The following DYNC2H1 variants were observed in gnomAD, a reference collection of about 807,000 sequenced individuals.
The protein encoded by DYNC2H1 is dynein cytoplasmic 2 heavy chain 1.
A neutral mutation model predicts 570.0 loss-of-function variants in DYNC2H1; 410 were observed. The observed-to-expected ratio is 0.72, with a 90% CI of 0.66 to 0.78. DYNC2H1 has a LOEUF of 0.78. DYNC2H1 is among the 30% of genes least tolerant of loss of function. The probability of loss-of-function intolerance (pLI) is 0.00; values close to 1 mark genes in which losing one functional copy is unlikely to be tolerated. For missense variants in DYNC2H1, 4,865 were observed against 5,046.4 expected (o/e 0.96, Z 1.09); for synonymous variants, 1,688 against 1,677.6 (o/e 1.01, Z -0.15).
intron 82 of DYNC2H1, among the ~76,000 whole-genome samples, chr11:103,344,841 G>A (rs1939655486): frequency 6.6e-6 from 1 of 152,032 alleles, no homozygotes; most frequent in Non-Finnish European, 1.5e-5. Flanking sequence ...CAAGTGTGAG[G>A]ATATAATGAA....
At chr11:103,195,549 T>C (rs1483134101) in intron 47 of DYNC2H1, among the ~76,000 whole-genome samples, 1 of 152,210 alleles carries the variant, frequency 6.6e-6, no homozygotes, top group Non-Finnish European at 1.5e-5. Flanking sequence ...AGCTACTATA[T>C]GAGTTGTGAA....
intron 65 of DYNC2H1, among the ~76,000 whole-genome samples, chr11:103,246,924 C>T (rs113099076): frequency 2.0e-5 from 3 of 151,822 alleles, no homozygotes; most frequent in Non-Finnish European, 2.9e-5. Flanking sequence ...AATTTATGCT[C>T]GTCAAAAATC....
Position 103,311,859 on chromosome 11 carries a change from CTGTT to C in DYNC2H1, c.11494-18_11494-15del. 1 of 1,592,900 alleles carries C rather than the reference CTGTT, an allele frequency of 6.3e-7. No homozygotes were observed. The highest frequency in any genetic ancestry group is 2.3e-5 in the East Asian group (1 of 44,024). ...TTGTAGGATTTTAGCAATAGGATGT[CTGTT>C]GATTTTTTTTCTAGTCACCTCCAGG... On this transcript the variant is annotated splice_polypyrimidine_tract_variant and intron_variant, in intron 78 of 88. Coordinates refer to ENST00000375735, the MANE Select transcript of DYNC2H1 (RefSeq NM_001377.3).
In DYNC2H1 at chr11:103,455,180, C is replaced by CT. The variant is rs758771214; in HGVS notation, c.12457-5dup. On this transcript the variant is annotated splice_polypyrimidine_tract_variant and splice_region_variant and intron_variant, in intron 85 of 88. Coordinates refer to ENST00000375735, the MANE Select transcript of DYNC2H1 (RefSeq NM_001377.3). Reference sequence around the variant, plus strand: ...TATTTATATGTTCATATTTCCCCCCCTCTAGAACTGGGTAGATAAAGCTGA... The same window carrying CT: ...TATTTATATGTTCATATTTCCCCCCCTTCTAGAACTGGGTAGATAAAGCTGA... 13 of 1,609,244 alleles carry CT rather than the reference C, an allele frequency of 8.1e-6. No homozygotes were observed. In the South Asian group the frequency reaches 1.4e-4, roughly 18 times the overall value.
intron 83 of DYNC2H1, among the ~76,000 whole-genome samples, chr11:103,397,271 C>G (rs1211352887): frequency 6.6e-6 from 1 of 151,982 alleles, no homozygotes; most frequent in African/African-American, 2.4e-5. Flanking sequence ...CAAAAGCAAT[C>G]CTTCAAAAAT....
chr11:103,389,611 C>T (rs1375022588), intron 83 of DYNC2H1, among the ~76,000 whole-genome samples: 5 of 151,962 alleles, frequency 3.3e-5, no homozygotes, highest in Non-Finnish European at 7.4e-5. Context: ...TTGGATCTTT[C>T]CTGCTTTCTC....
rs748244594 is a variant in DYNC2H1 at position 103,120,443 on chromosome 11, T to G, written c.1000-4T>G. On this transcript the variant is annotated splice_polypyrimidine_tract_variant and splice_region_variant and intron_variant, in intron 6 of 88. Coordinates refer to ENST00000375735, the MANE Select transcript of DYNC2H1 (RefSeq NM_001377.3). ...AATTCTGTTGTTTTAATACTTCATT[T>G]TAGGTCTTGGCTATTAGAACAATTC... 1.2e-6 allele frequency: 2 copies of G among 1,602,502 alleles called. No individual in the cohort carries two copies. The highest frequency in any genetic ancestry group is 2.3e-5 in the South Asian group (2 of 88,604).
At chr11:103,233,163 T>C (rs1449593939) in intron 60 of DYNC2H1, among the ~76,000 whole-genome samples, 1 of 151,984 alleles carries the variant, frequency 6.6e-6, no homozygotes, top group Non-Finnish European at 1.5e-5. Flanking sequence ...CACATCTGTA[T>C]ATGAATTTTA....
chr11:103,357,306 G>C (rs542047904), intron 82 of DYNC2H1, among the ~76,000 whole-genome samples: 6 of 152,204 alleles, frequency 3.9e-5, no homozygotes, highest in African/African-American at 1.2e-4. Context: ...CATTATAGAA[G>C]TGAAAGCCCT....
Position 103,185,971 on chromosome 11 carries a change from C to T in DYNC2H1, c.6634-271C>T, listed in dbSNP as rs1862049176. ...TGTGATTTAATGTTAATAAGAACTC[C>T]ATTAAAATGGAATATATTTATACCT... On this transcript the variant is annotated intron_variant, in intron 41 of 88. Coordinates refer to ENST00000375735, the MANE Select transcript of DYNC2H1 (RefSeq NM_001377.3). This position sits in a 1 kb window ranked among gnomAD's most constrained non-coding sequence, Gnocchi z 4.5. Among the ~76,000 whole-genome samples, 1 of 151,720 alleles carries T rather than the reference C, an allele frequency of 6.6e-6. No homozygotes were observed. The highest frequency in any genetic ancestry group is 6.6e-5 in the Admixed American group (1 of 15,180).
rs1944425090 is a variant in DYNC2H1, at chr11:103,446,444, G to A, written c.12457-8742G>A. Among the ~76,000 whole-genome samples the A allele has an allele frequency of 6.6e-6, 1 of 152,288 alleles. No individual in the cohort carries two copies. Among genetic ancestry groups the A allele is most frequent in the African/African-American group, 2.4e-5 (1 of 41,568 alleles). ...AACTATGTCAAATGCTGTAAGTGAG[G>A]TTAGAGAAAAATCATGTTTGGCAAC... is the stretch of plus-strand genomic sequence containing the variant. On this transcript the variant is annotated intron_variant, in intron 85 of 88. Transcript: ENST00000375735. This position sits in a 1 kb window ranked among gnomAD's most constrained non-coding sequence, Gnocchi z 4.5.
chr11:103,133,511 AAAG>A lies in DYNC2H1; in HGVS notation c.1954-41_1954-39del. On this transcript the variant is annotated intron_variant, in intron 13 of 88. Transcript: ENST00000375735. The surrounding 1 kb of genome is among the most constrained non-coding windows in gnomAD (Gnocchi z 4.8). ...TATAGAATATTGAAACTTTTGGAAA[AAAG>A]AAATACTTATACATACTAAAGGTTA... 6.5e-7 allele frequency: 1 copy of A among 1,535,118 alleles called. No individual in the cohort carries two copies. The highest frequency in any genetic ancestry group is 2.4e-5 in the East Asian group (1 of 42,142).
chr11:103,136,195 G>GT (rs1204109276), intron 17 of DYNC2H1, among the ~76,000 whole-genome samples: 1 of 149,560 alleles, frequency 6.7e-6, no homozygotes, highest in Non-Finnish European at 1.5e-5. Flanking sequence ...GTTTTTTTTG[G>GT]TTTTTTATTT....
At chr11:103,298,162 A>T (rs1231521573) in intron 75 of DYNC2H1, among the ~76,000 whole-genome samples, 1 of 152,104 alleles carries the variant, frequency 6.6e-6, no homozygotes, top group African/African-American at 2.4e-5. Flanking sequence ...CTTATCTCCT[A>T]ACCACTCTTG....
chr11:103,280,000 C>T (rs1866067114), intron 70 of DYNC2H1, among the ~76,000 whole-genome samples: 1 of 152,084 alleles, frequency 6.6e-6, no homozygotes, highest in African/African-American at 2.4e-5. Flanking sequence ...CTGAAGATTG[C>T]TAATGCATGG....
intron 52 of DYNC2H1, among the ~76,000 whole-genome samples, chr11:103,208,846 G>T (rs913823067): frequency 2.0e-4 from 30 of 152,000 alleles, no homozygotes; most frequent in African/African-American, 7.0e-4. Context: ...TCTTTAAAAA[G>T]TACCATTTTT....
intron 69 of DYNC2H1, among the ~76,000 whole-genome samples, chr11:103,259,183 A>C (rs1021212850): frequency 6.6e-6 from 1 of 152,164 alleles, no homozygotes; most frequent in African/African-American, 2.4e-5. Flanking sequence ...GTTATACCAG[A>C]ATTGATCTTC....
chr11:103,419,728 C>A (rs1306541558), intron 84 of DYNC2H1, among the ~76,000 whole-genome samples: 1 of 152,112 alleles, frequency 6.6e-6, no homozygotes, highest in African/African-American at 2.4e-5. Context: ...TGCCTCTTCT[C>A]CTCCAAATGA....
intron 88 of DYNC2H1, among the ~76,000 whole-genome samples, chr11:103,471,683 C>T (rs1203654396): frequency 6.6e-6 from 1 of 152,126 alleles, no homozygotes; most frequent in Non-Finnish European, 1.5e-5. Context: ...AGTACTTTCA[C>T]TCATTATTAA....
Sources: gnomAD v4.1 joint callset for allele counts (sites outside exome capture counted in the v4.1 genomes callset) on GRCh38, gnomAD v4.1.1 for gene constraint, Gnocchi (gnomAD v3.1) non-coding constraint, MANE v1.5 for transcripts, NCBI Gene and HGNC (gene_info 2026-07-23, HGNC 2026-07-21) for gene names.